MMP26: variants seen among roughly 807,000 people sequenced by gnomAD.
MMP26 encodes matrix metalloproteinase-26.
A neutral mutation model predicts 31.0 loss-of-function variants in MMP26; 33 were observed. The observed-to-expected ratio is 1.06, with a 90% confidence interval of 0.81 to 1.42. The LOEUF is 1.42. MMP26 is among the 40% of genes most tolerant of loss of function. The pLI is 0.00. For synonymous variants in MMP26, 122 were observed against 114.9 expected, an observed-to-expected ratio of 1.06 and a Z score of -0.40; for missense variants, 347 against 316.1, an observed-to-expected ratio of 1.10 and a Z score of -0.74.
At chr11:4,827,079 G>A (rs1849587189) in intron 2 of MMP26, among the ~76,000 whole-genome samples, 1 of 152,136 alleles carries the variant, frequency 6.6e-6, no homozygotes, top group Non-Finnish European at 1.5e-5. Flanking sequence ...ACGCGCCTAG[G>A]TTGAGAGGTT....
intron 2 of MMP26, among the ~76,000 whole-genome samples, chr11:4,863,221 T>C (rs1850188543): frequency 6.6e-6 from 1 of 152,182 alleles, no homozygotes; most frequent in African/African-American, 2.4e-5. Context: ...AGTGTTCTAC[T>C]GTCATCTTCT....
At chr11:4,933,840 T>A (rs1250561265) in intron 2 of MMP26, among the ~76,000 whole-genome samples, 2 of 150,130 alleles carry the variant, frequency 1.3e-5, no homozygotes, top group Non-Finnish European at 3.0e-5. Context: ...TTTTTATTCT[T>A]GCGATAGTTT....
chr11:4,723,608 A>T (rs1347744956), intron 1 of MMP26: 2 of 936,896 alleles, frequency 2.1e-6, no homozygotes, highest in African/African-American at 3.2e-5. Context: ...ATGAGGACAA[A>T]TTCATTCTCC....
chr11:4,744,738 T>C (rs1410340259), intron 1 of MMP26, among the ~76,000 whole-genome samples: 2 of 152,204 alleles, frequency 1.3e-5, no homozygotes, highest in Non-Finnish European at 2.9e-5. Context: ...GTTTCTTTTC[T>C]TCTTTAAAAA....
intron 2 of MMP26, chr11:4,803,722 G>C (rs765012421): frequency 1.2e-6 from 2 of 1,613,786 alleles, no homozygotes; most frequent in South Asian, 1.1e-5. Context: ...CATCACGTAT[G>C]ACATACCAAT....
At chr11:4,749,260 CA>C (rs1173207352) in intron 1 of MMP26, among the ~76,000 whole-genome samples, 13 of 151,808 alleles carry the variant, frequency 8.6e-5, no homozygotes, top group Admixed American at 8.5e-4. Flanking sequence ...AGGAAAACTA[CA>C]AAATGCTGAG....
intron 2 of MMP26, among the ~76,000 whole-genome samples, chr11:4,773,557 C>T (rs567716076): frequency 1.8e-4 from 27 of 151,448 alleles, no homozygotes; most frequent in African/African-American, 5.1e-4. Context: ...TATTCAGACT[C>T]CTGACTTACA....
Position 4,912,254 on chromosome 11 carries a change from T to A in MMP26, c.-144-75814T>A, listed in dbSNP as rs573036443. Reference sequence around the variant, plus strand: ...TTAGTTCTTTTTAAAATAAAATTGATCTCAGATAAATAAAATAATTTGTCC... The same window carrying A: ...TTAGTTCTTTTTAAAATAAAATTGAACTCAGATAAATAAAATAATTTGTCC... On this transcript the variant is annotated intron_variant, in intron 2 of 7. Coordinates refer to ENST00000380390, the MANE Select transcript of MMP26 (RefSeq NM_021801.5). Among the ~76,000 whole-genome samples, 15 of 132,696 alleles carry A rather than the reference T, an allele frequency of 1.1e-4. No individual in the cohort carries two copies. In the South Asian group the frequency reaches 4.4e-3, roughly 38 times the overall value. 87.1% of individuals were successfully genotyped at this position (132,696 alleles called of 152,430 possible).
rs570256953 is a variant in MMP26, at chr11:4,944,163, T to C, written c.-144-43905T>C. On this transcript the variant is annotated intron_variant, in intron 2 of 7. Transcript: ENST00000380390. ...TATGCACCTCAAACATAGGAACAGT[T>C]CTTGCCCTGATCTGATGATAGGATT... is the stretch of plus-strand genomic sequence containing the variant. 92 of 446,116 alleles carry C rather than the reference T, an allele frequency of 2.1e-4. No homozygotes were observed. In the East Asian group the frequency reaches 4.3e-3, roughly 21 times the overall value. 27.6% of individuals were successfully genotyped at this position (446,116 alleles called of 1,614,324 possible). A position where few individuals can be genotyped will look rare whatever the true frequency, so the allele number is the denominator to read the frequency against.
intron 2 of MMP26, among the ~76,000 whole-genome samples, chr11:4,930,606 C>T (rs1362302208): frequency 6.6e-6 from 1 of 152,000 alleles, no homozygotes; most frequent in African/African-American, 2.4e-5. Context: ...TATGTCTTTG[C>T]TCAAAACAAA....
At chr11:4,770,850 GA>G (rs1028216505) in intron 2 of MMP26, among the ~76,000 whole-genome samples, 21 of 145,002 alleles carry the variant, frequency 1.4e-4, no homozygotes, top group East Asian at 1.0e-3. Flanking sequence ...TAAAAAAGAA[GA>G]AAAAAAAAAA....
intron 2 of MMP26, among the ~76,000 whole-genome samples, chr11:4,824,423 G>A (rs1461202008): frequency 6.6e-6 from 1 of 152,050 alleles, no homozygotes; most frequent in Non-Finnish European, 1.5e-5. Flanking sequence ...TTTAAGTACT[G>A]CCATGTGGTC....
Position 4,838,823 on chromosome 11 carries a change from G to T in MMP26, c.-145+71482G>T, listed in dbSNP as rs764488927. On this transcript the variant is annotated intron_variant, in intron 2 of 7. Coordinates refer to ENST00000380390, the MANE Select transcript of MMP26 (RefSeq NM_021801.5). ...ACACTGATTTAACACCTGTACATAA[G>T]AAACACTTTTTTAAAAACAAAAAAG... 2.6e-5 allele frequency among the ~76,000 whole-genome samples: 4 copies of T among 152,214 alleles called. No homozygotes were observed. In the East Asian group the frequency reaches 7.7e-4, roughly 29 times the overall value.
intron 1 of MMP26, among the ~76,000 whole-genome samples, chr11:4,763,774 A>AT (rs1269623481): frequency 4.6e-5 from 7 of 152,212 alleles, no homozygotes; most frequent in African/African-American, 1.7e-4. Flanking sequence ...GCTGCTGTAG[A>AT]TTTTTTGTAG....
Position 4,792,987 on chromosome 11 carries a change from GT to G in MMP26, c.-145+25647del, listed in dbSNP as rs532899739. On this transcript the variant is annotated intron_variant, in intron 2 of 7. Transcript: ENST00000380390. ...GTAAAAACAAGCAACTAAAATTAGA[GT>G]GATTATCTCAAGTGAAACAAGACTT... Among the ~76,000 whole-genome samples, 20 of 152,290 alleles carry G rather than the reference GT, an allele frequency of 1.3e-4. No individual in the cohort carries two copies. The South Asian group carries it at 3.7e-3, about 28-fold the overall frequency.
At chr11:4,825,711 G>C (rs1221671016) in intron 2 of MMP26, among the ~76,000 whole-genome samples, 6 of 152,090 alleles carry the variant, frequency 3.9e-5, no homozygotes, top group Admixed American at 2.6e-4. Flanking sequence ...TGATGCCATT[G>C]AATTTCAAGG....
At chr11:4,716,362 A>G (rs1365368271) in intron 1 of MMP26, among the ~76,000 whole-genome samples, 1 of 152,174 alleles carries the variant, frequency 6.6e-6, no homozygotes, top group East Asian at 1.9e-4. Flanking sequence ...GCTATAGACA[A>G]CTAATGCAAC....
intron 1 of MMP26, among the ~76,000 whole-genome samples, chr11:4,758,957 CA>C (rs1288635706): frequency 6.6e-6 from 1 of 151,264 alleles, no homozygotes; most frequent in Non-Finnish European, 1.5e-5. Flanking sequence ...GCTAGAAATA[CA>C]AAATTAGCTG....
intron 2 of MMP26, chr11:4,804,535 G>C (rs770056187): frequency 3.4e-5 from 27 of 784,976 alleles, no homozygotes; most frequent in Non-Finnish European, 6.1e-5. Flanking sequence ...AATTTCAACT[G>C]TTTTAATAAA....
Sources: allele counts gnomAD v4.1 joint callset (sites outside exome capture counted in the v4.1 genomes callset), GRCh38; gene constraint gnomAD v4.1.1; transcripts MANE v1.5; gene names NCBI Gene and HGNC (gene_info 2026-07-23, HGNC 2026-07-21).